Variants in DMD observed in about 807,000 individuals in gnomAD.
The protein encoded by DMD is mutant dystrophin.
Under a neutral mutation model 330.1 loss-of-function variants are expected in DMD, and 63 were observed. The observed-to-expected ratio is 0.19, with a 90% CI of 0.16 to 0.24. The LOEUF (loss-of-function observed/expected upper bound fraction) is 0.24. DMD is among the 10% of genes least tolerant of loss of function. The probability of loss-of-function intolerance (pLI) is 1.00; values close to 1 mark genes in which losing one functional copy is unlikely to be tolerated. For synonymous variants in DMD, 1,223 were observed against 959.8 expected, an observed-to-expected ratio of 1.27 and a Z score of -5.07; for missense variants, 3,344 against 2,684.1, an observed-to-expected ratio of 1.25 and a Z score of -5.43.
In DMD at chrX:31,889,934, G is replaced by C. The variant is rs746392208; in HGVS notation, c.6913-14561C>G. On this transcript the variant is annotated intron_variant, in intron 47 of 78. Coordinates refer to ENST00000357033, the MANE Select transcript of DMD (RefSeq NM_004006.3). ...TTTAATATTTTTGTTTGCTCATTTT[G>C]TTCATTTGTTTGATAAAAATTCAAG... Among the ~76,000 whole-genome samples, 6 of 110,010 alleles carry C rather than the reference G, an allele frequency of 5.5e-5. No homozygotes were observed. In the East Asian group the frequency reaches 1.7e-3, roughly 31 times the overall value.
rs184474427 is a variant in DMD, at chrX:32,109,308, T to C, written c.6438+107608A>G. On this transcript the variant is annotated intron_variant, in intron 44 of 78. Coordinates refer to ENST00000357033, the MANE Select transcript of DMD (RefSeq NM_004006.3). The stretch of plus-strand genomic sequence containing the variant: ...ATTCTGTGATATGTATTTCTCTTTA[T>C]CTAAAAGTCTATATAGACAAGGGGC... Among the ~76,000 whole-genome samples the C allele has an allele frequency of 3.2e-3, 354 of 110,900 alleles. 1 individual carries two copies. The highest frequency in any genetic ancestry group is 0.011 in the African/African-American group (340 of 30,615).
intron 63 of DMD, among the ~76,000 whole-genome samples, chrX:31,260,643 G>GAA (rs201879490): frequency 6.2e-4 from 64 of 102,911 alleles, no homozygotes; most frequent in African/African-American, 2.1e-3. Flanking sequence ...TTCGTGGGAA[G>GAA]AAAAAAAAAA....
chrX:32,310,006 A>G (rs181250308), intron 42 of DMD, 76 bp downstream of exon 42: 1 of 936,665 alleles, frequency 1.1e-6, no homozygotes, highest in African/African-American at 1.9e-5. Flanking sequence ...CATACAATTT[A>G]AGTCAATTGT....
intron 1 of DMD, among the ~76,000 whole-genome samples, chrX:33,269,365 C>G (rs749255356): frequency 5.1e-4 from 57 of 110,882 alleles, no homozygotes; most frequent in African/African-American, 1.7e-3. Flanking sequence ...CATGCTCTCA[C>G]TTATAAATGG....
chrX:31,442,782 G>A (rs2065034401), intron 60 of DMD, among the ~76,000 whole-genome samples: 1 of 111,295 alleles, frequency 9.0e-6, no homozygotes, highest in East Asian at 2.8e-4. Context: ...TACTAAGGAT[G>A]GAACAGATAA....
intron 29 of DMD, among the ~76,000 whole-genome samples, chrX:32,416,417 T>C (rs2098166175): frequency 1.8e-5 from 2 of 112,062 alleles, no homozygotes; most frequent in African/African-American, 3.2e-5. Context: ...CATTGTGATG[T>C]AGACATGTAA....
chrX:31,845,539 C>T (rs2149530135), intron 48 of DMD, among the ~76,000 whole-genome samples: 1 of 109,912 alleles, frequency 9.1e-6, no homozygotes, highest in East Asian at 2.9e-4. Context: ...GATGATAACT[C>T]TAGCGGCAGA....
intron 47 of DMD, among the ~76,000 whole-genome samples, chrX:31,925,881 A>C (rs1222257619): frequency 1.5e-4 from 16 of 109,328 alleles, no homozygotes; most frequent in African/African-American, 4.3e-4. Context: ...CAAAAAAAAA[A>C]AAAAAACAAA....
At chrX:32,673,371 C>T (rs768655075) in intron 9 of DMD, among the ~76,000 whole-genome samples, 1 of 111,162 alleles carries the variant, frequency 9.0e-6, no homozygotes, top group Admixed American at 9.6e-5. Flanking sequence ...ATGTTGCCAC[C>T]TACTGGCCTC....
chrX:33,318,759 C>T (rs942146452), intron 1 of DMD, among the ~76,000 whole-genome samples: 2 of 110,432 alleles, frequency 1.8e-5, no homozygotes, highest in Non-Finnish European at 3.8e-5. Context: ...CTTCCTCAGT[C>T]TTACTGAGTA....
At chrX:32,828,441 AGTGT>A (rs2078901328) in intron 4 of DMD, among the ~76,000 whole-genome samples, 1 of 104,868 alleles carries the variant, frequency 9.5e-6, no homozygotes. Flanking sequence ...ACTGGATCAG[AGTGT>A]GTGTATACAC....
intron 5 of DMD, 95 bp from the exon 6 acceptor site, chrX:32,816,735 T>TA: frequency 1.2e-6 from 1 of 862,046 alleles, no homozygotes; most frequent in Admixed American, 2.4e-5. Context: ...CAGTGATAAA[T>TA]AGAAATTTTA....
At chrX:32,990,204 T>C (rs1161151244) in intron 2 of DMD, among the ~76,000 whole-genome samples, 3 of 111,640 alleles carry the variant, frequency 2.7e-5, no homozygotes, top group South Asian at 3.7e-4. Context: ...TTAAGAGTTT[T>C]TGAGGTACTT....
intron 59 of DMD, among the ~76,000 whole-genome samples, chrX:31,456,325 C>T (rs1487007419): frequency 2.7e-5 from 3 of 111,936 alleles, no homozygotes; most frequent in Non-Finnish European, 5.6e-5. Context: ...TCAGGCTAGT[C>T]CAGGGAGACT....
chrX:32,622,950 T>A, intron 11 of DMD, among the ~76,000 whole-genome samples: 1 of 111,757 alleles, frequency 8.9e-6, no homozygotes, highest in African/African-American at 3.3e-5. Flanking sequence ...ATATTATTTA[T>A]TTGAAAACCA....
chrX:32,853,308 T>TA (rs199552857), intron 2 of DMD, among the ~76,000 whole-genome samples: 1,742 of 112,067 alleles, frequency 0.016, 37 homozygotes, highest in African/African-American at 0.054. Context: ...CAAACTATTG[T>TA]AATACTGTAA....
intron 51 of DMD, among the ~76,000 whole-genome samples, chrX:31,746,514 T>C (rs1358001716): frequency 8.9e-6 from 1 of 112,134 alleles, no homozygotes; most frequent in Non-Finnish European, 1.9e-5. Flanking sequence ...AATGAATCTA[T>C]TTATAAGAAT....
intron 9 of DMD, among the ~76,000 whole-genome samples, chrX:32,690,256 T>C (rs1172987889): frequency 1.8e-5 from 2 of 110,503 alleles, no homozygotes; most frequent in Non-Finnish European, 3.8e-5. Context: ...AGGAGACAAA[T>C]TCCATTCACA....
chrX:31,665,297 A>C (rs2081365839), intron 53 of DMD, among the ~76,000 whole-genome samples: 1 of 112,147 alleles, frequency 8.9e-6, no homozygotes, highest in Admixed American at 9.5e-5. Context: ...TTCTGAAAAA[A>C]AGACAGCAGA....
Sources: gnomAD v4.1 joint callset for allele counts (sites outside exome capture counted in the v4.1 genomes callset) on GRCh38, gnomAD v4.1.1 for gene constraint, MANE v1.5 for transcripts, NCBI Gene and HGNC (gene_info 2026-07-23, HGNC 2026-07-21) for gene names.